The following MDGA2 variants were observed in gnomAD, a reference collection of about 807,000 sequenced individuals.
MDGA2 encodes the protein MAM domain containing glycosylphosphatidylinositol anchor 2, also known as MAM domain-containing glycosylphosphatidylinositol anchor protein 2.
MDGA2 carries 40 observed loss-of-function variants against 117.8 expected under a neutral mutation model. The observed-to-expected ratio is 0.34, with a 90% CI of 0.26 to 0.44. The LOEUF is 0.44. Ranked by LOEUF, MDGA2 falls within the 20% of genes least tolerant of loss-of-function variation. MDGA2 has a pLI of 1.00. For missense variants in MDGA2, 1,123 were observed against 1,250.6 expected, an observed-to-expected ratio of 0.90 and a Z score of 1.54; for synonymous variants, 452 against 439.0, an observed-to-expected ratio of 1.03 and a Z score of -0.37.
At chr14:47,100,471 G>A (rs977018097) in intron 5 of MDGA2, among the ~76,000 whole-genome samples, 1 of 152,080 alleles carries the variant, frequency 6.6e-6, no homozygotes, top group Non-Finnish European at 1.5e-5. Context: ...GTTAAACATG[G>A]AAGGTCATAG....
intron 14 of MDGA2, among the ~76,000 whole-genome samples, chr14:46,857,293 C>T (rs1036313594): frequency 1.3e-5 from 2 of 152,152 alleles, no homozygotes; most frequent in Non-Finnish European, 2.9e-5. Context: ...GCATTTTTTG[C>T]AGTGGTGAGC....
intron 1 of MDGA2, among the ~76,000 whole-genome samples, chr14:47,565,482 C>T (rs1895899031): frequency 6.6e-6 from 1 of 152,166 alleles, no homozygotes; most frequent in African/African-American, 2.4e-5. Context: ...TGTTCTCTGG[C>T]TGGAGGTTGG....
rs145785337 is a variant in MDGA2, at chr14:47,310,975, T to C, written c.281-9425A>G. 5.5e-3 allele frequency among the ~76,000 whole-genome samples: 837 copies of C among 152,236 alleles called. 8 individuals carry two copies. The highest frequency in any genetic ancestry group is 0.019 in the African/African-American group (788 of 41,544). On this transcript the variant is annotated intron_variant, in intron 1 of 16. Transcript: ENST00000399232. ...AACTTGTGAAATGGCATCCTGTTAA[T>C]AGTGTCAGAAGCCATATATCATGTG...
chr14:46,934,181 C>G (rs1566533043), intron 9 of MDGA2, among the ~76,000 whole-genome samples: 2 of 151,944 alleles, frequency 1.3e-5, no homozygotes, highest in Non-Finnish European at 2.9e-5. Flanking sequence ...TATCTATCCT[C>G]TTGTTTGTCT....
chr14:47,042,860 C>T (rs1343548046), intron 7 of MDGA2, among the ~76,000 whole-genome samples: 1 of 151,888 alleles, frequency 6.6e-6, no homozygotes, highest in East Asian at 1.9e-4. Flanking sequence ...ATTTTAAAAC[C>T]TCCATACATT....
At chr14:46,931,527 T>TTTC (rs1400249349) in intron 9 of MDGA2, among the ~76,000 whole-genome samples, 2 of 146,290 alleles carry the variant, frequency 1.4e-5, no homozygotes, top group Non-Finnish European at 3.0e-5. Context: ...TATTTTTGCT[T>TTTC]TTTTTTTTTT....
intron 16 of MDGA2, among the ~76,000 whole-genome samples, chr14:46,844,170 A>C (rs1880726084): frequency 6.6e-6 from 1 of 152,212 alleles, no homozygotes; most frequent in South Asian, 2.1e-4. Context: ...ATAAAGTGAA[A>C]ATCAAATTAT....
rs1352727190 is a variant in MDGA2 at position 47,177,880 on chromosome 14, T to C, written c.596-33606A>G. Among the ~76,000 whole-genome samples, 4 of 152,134 alleles carry C rather than the reference T, an allele frequency of 2.6e-5. No homozygotes were observed. The East Asian group carries it at 5.8e-4, about 22-fold the overall frequency. On this transcript the variant is annotated intron_variant, in intron 3 of 16. Transcript: ENST00000399232. The stretch of plus-strand genomic sequence containing the variant: ...GTGGTGTGTGTGTATATACATAATA[T>C]ATTAAACCTGCTGTACTAGTTTTGC...
intron 5 of MDGA2, among the ~76,000 whole-genome samples, chr14:47,112,538 C>T (rs1881098577): frequency 6.6e-6 from 1 of 152,100 alleles, no homozygotes; most frequent in African/African-American, 2.4e-5. Flanking sequence ...AATAAAATGG[C>T]TTTAAACTCC....
intron 1 of MDGA2, among the ~76,000 whole-genome samples, chr14:47,674,065 C>T (rs1898126607): frequency 1.5e-5 from 2 of 135,582 alleles, no homozygotes; most frequent in African/African-American, 5.6e-5. Flanking sequence ...TAGGCATTCA[C>T]AGAAAAAGGA....
chr14:47,039,411 T>C (rs1234421680), intron 7 of MDGA2, among the ~76,000 whole-genome samples: 4 of 152,216 alleles, frequency 2.6e-5, no homozygotes, highest in Admixed American at 6.6e-5. Flanking sequence ...TTTAAAACTA[T>C]GTCTCATATC....
intron 8 of MDGA2, among the ~76,000 whole-genome samples, chr14:46,988,802 G>T (rs1017239391): frequency 2.6e-5 from 4 of 151,984 alleles, no homozygotes; most frequent in African/African-American, 9.7e-5. Context: ...ATGTATTTCA[G>T]AATAGATTCT....
intron 2 of MDGA2, among the ~76,000 whole-genome samples, chr14:47,264,883 T>C (rs893802142): frequency 1.3e-5 from 2 of 152,048 alleles, no homozygotes; most frequent in African/African-American, 2.4e-5. Flanking sequence ...GGCCCCCATG[T>C]GTGATGTTCC....
chr14:47,288,084 T>G (rs1888750404), intron 2 of MDGA2, among the ~76,000 whole-genome samples: 1 of 152,100 alleles, frequency 6.6e-6, no homozygotes, highest in Non-Finnish European at 1.5e-5. Context: ...TTTAAGCACT[T>G]TCTTTGTGAT....
At chr14:47,102,454 T>C (rs1880392936) in intron 5 of MDGA2, among the ~76,000 whole-genome samples, 1 of 151,478 alleles carries the variant, frequency 6.6e-6, no homozygotes, top group African/African-American at 2.4e-5. Flanking sequence ...AACGCCAATT[T>C]TAAAATGCTC....
intron 1 of MDGA2, among the ~76,000 whole-genome samples, chr14:47,493,546 G>A (rs1894217205): frequency 6.6e-6 from 1 of 151,784 alleles, no homozygotes; most frequent in Admixed American, 6.6e-5. Flanking sequence ...TTGAACTCCT[G>A]ACCTCAAATG....
Position 46,923,020 on chromosome 14 carries a change from A to G in MDGA2, c.2090-2860T>C, listed in dbSNP as rs191914508. 2.1e-3 allele frequency among the ~76,000 whole-genome samples: 315 copies of G among 152,346 alleles called. 3 individuals carry two copies. The highest frequency in any genetic ancestry group is 8.9e-3 in the South Asian group (43 of 4,830). ...AATACAAATTGCCATTATTCTAGGAACATTATTTATCTAAATGAACACTTT... is the reference window on the plus strand; with the variant it reads ...AATACAAATTGCCATTATTCTAGGAGCATTATTTATCTAAATGAACACTTT... On this transcript the variant is annotated intron_variant, in intron 9 of 16. Coordinates refer to ENST00000399232, the MANE Select transcript of MDGA2 (RefSeq NM_001113498.3).
At chr14:47,566,795 C>T (rs977923712) in intron 1 of MDGA2, among the ~76,000 whole-genome samples, 2 of 151,992 alleles carry the variant, frequency 1.3e-5, no homozygotes, top group African/African-American at 4.8e-5. Flanking sequence ...TCCCTCTGTC[C>T]ACTCTCAATG....
At chr14:47,083,477 A>G (rs1048875669) in intron 6 of MDGA2, among the ~76,000 whole-genome samples, 5 of 152,068 alleles carry the variant, frequency 3.3e-5, no homozygotes, top group Non-Finnish European at 5.9e-5. Flanking sequence ...TCTAGGAAGA[A>G]GAAGTTCTTC....
Sources: gnomAD v4.1 joint callset for allele counts (sites outside exome capture counted in the v4.1 genomes callset) on GRCh38, gnomAD v4.1.1 for gene constraint, MANE v1.5 for transcripts, NCBI Gene and HGNC (gene_info 2026-07-23, HGNC 2026-07-21) for gene names.